The following FAM135B variants were observed in gnomAD, a reference collection of about 807,000 sequenced individuals.
FAM135B encodes the protein family with sequence similarity 135 member B.
FAM135B carries 43 observed loss-of-function variants against 127.7 expected under a neutral mutation model. That is an observed-to-expected ratio of 0.34 (90% CI 0.26 to 0.43). The LOEUF is 0.43. FAM135B is among the 20% of genes least tolerant of loss of function. FAM135B has a pLI of 1.00. For synonymous variants in FAM135B, 670 were observed against 665.1 expected (o/e 1.01, Z -0.11); for missense variants, 1,558 against 1,725.6 (o/e 0.90, Z 1.72).
intron 11 of FAM135B, among the ~76,000 whole-genome samples, chr8:138,173,344 G>A (rs547798517): frequency 1.3e-5 from 2 of 152,274 alleles, no homozygotes; most frequent in East Asian, 1.9e-4. Flanking sequence ...CTTATCATGT[G>A]TTCTTTAAGA....
At chr8:138,413,259 T>C (rs1833959258) in intron 1 of FAM135B, among the ~76,000 whole-genome samples, 1 of 152,144 alleles carries the variant, frequency 6.6e-6, no homozygotes, top group Non-Finnish European at 1.5e-5. Flanking sequence ...TTGCTCTTCA[T>C]TCCTTATTGG....
intron 1 of FAM135B, among the ~76,000 whole-genome samples, chr8:138,469,377 A>G (rs1026808887): frequency 1.5e-4 from 23 of 152,184 alleles, no homozygotes; most frequent in African/African-American, 5.5e-4. Context: ...CAAGGCAACT[A>G]GTGACTAGGC....
chr8:138,299,179 T>C (rs1047547956), intron 3 of FAM135B, among the ~76,000 whole-genome samples: 6 of 151,898 alleles, frequency 4.0e-5, no homozygotes, highest in African/African-American at 1.4e-4. Flanking sequence ...TATATTAAAA[T>C]ATACCCAATT....
Position 138,367,988 on chromosome 8 carries a change from T to C in FAM135B, c.-5A>G, listed in dbSNP as rs1025054109. On this transcript the variant is annotated 5_prime_UTR_variant, in exon 2 of 20. Transcript: ENST00000395297. ...CGTTCCTTGTATTTCAGACATGATC[T>C]TTTTGGCTCATTACCTGAAAAACAA... 1 of 1,612,782 alleles carries C rather than the reference T, an allele frequency of 6.2e-7. No homozygotes were observed. The highest frequency in any genetic ancestry group is 8.5e-7 in the Non-Finnish European group (1 of 1,179,026).
chr8:138,468,002 A>G (rs1445396881), intron 1 of FAM135B, among the ~76,000 whole-genome samples: 1 of 152,220 alleles, frequency 6.6e-6, no homozygotes, highest in African/African-American at 2.4e-5. Context: ...ATCTAGAAAA[A>G]TATGCATATG....
chr8:138,375,802 G>A (rs1831433644), intron 1 of FAM135B, among the ~76,000 whole-genome samples: 1 of 152,060 alleles, frequency 6.6e-6, no homozygotes, highest in Admixed American at 6.5e-5. Context: ...TAGGGATGGG[G>A]GGAAGTCTTT....
intron 19 of FAM135B, among the ~76,000 whole-genome samples, chr8:138,134,119 C>T (rs1383559741): frequency 6.6e-6 from 1 of 151,914 alleles, no homozygotes; most frequent in African/African-American, 2.4e-5. Flanking sequence ...AATAGTCCTT[C>T]CAAGGGAAAA....
intron 1 of FAM135B, among the ~76,000 whole-genome samples, chr8:138,415,074 T>C (rs1214880685): frequency 2.6e-5 from 4 of 152,170 alleles, no homozygotes; most frequent in Non-Finnish European, 2.9e-5. Flanking sequence ...AGGAAGATAA[T>C]GATCACAAGC....
chr8:138,331,352 T>C (rs935512648), intron 2 of FAM135B, among the ~76,000 whole-genome samples: 1 of 152,196 alleles, frequency 6.6e-6, no homozygotes, highest in Non-Finnish European at 1.5e-5. Context: ...CCAAATAGTT[T>C]CTTTTATGAT....
chr8:138,147,359 C>T (rs1817740257), intron 14 of FAM135B, among the ~76,000 whole-genome samples: 1 of 151,656 alleles, frequency 6.6e-6, no homozygotes, highest in Non-Finnish European at 1.5e-5. Flanking sequence ...TCTCCTTCAG[C>T]TACTGAGGGA....
intron 17 of FAM135B, 88 bp from the exon 18 acceptor site, chr8:138,139,184 A>ATT: frequency 1.4e-6 from 1 of 724,922 alleles, no homozygotes; most frequent in Non-Finnish European, 2.3e-6. Context: ...TGAACGTTAA[A>ATT]CTGAATTTTA....
intron 1 of FAM135B, among the ~76,000 whole-genome samples, chr8:138,464,917 T>G (rs1488950313): frequency 6.6e-6 from 1 of 152,214 alleles, no homozygotes; most frequent in African/African-American, 2.4e-5. Context: ...TTTAAGACTT[T>G]TGCGAATGCA....
chr8:138,322,170 C>T (rs1339317051), intron 2 of FAM135B, among the ~76,000 whole-genome samples: 2 of 152,186 alleles, frequency 1.3e-5, no homozygotes, highest in Admixed American at 6.5e-5. Flanking sequence ...GAAAACATTG[C>T]ATATGGCAGG....
intron 1 of FAM135B, among the ~76,000 whole-genome samples, chr8:138,377,502 A>G (rs1171263339): frequency 1.3e-5 from 2 of 152,216 alleles, no homozygotes; most frequent in Non-Finnish European, 2.9e-5. Flanking sequence ...GACTGAAGGC[A>G]CAAAAGAACA....
At chr8:138,349,853 C>G (rs1255670066) in intron 2 of FAM135B, among the ~76,000 whole-genome samples, 1 of 152,096 alleles carries the variant, frequency 6.6e-6, no homozygotes, top group Non-Finnish European at 1.5e-5. Context: ...GGTTTCAATC[C>G]CGGACATACC....
At chr8:138,280,143 C>G (rs751397597) in intron 3 of FAM135B, among the ~76,000 whole-genome samples, 13 of 152,176 alleles carry the variant, frequency 8.5e-5, no homozygotes, top group South Asian at 6.2e-4. Flanking sequence ...CTCTGCTACC[C>G]CCAACTGCCC....
intron 1 of FAM135B, among the ~76,000 whole-genome samples, chr8:138,487,637 G>A (rs1587558473): frequency 6.7e-6 from 1 of 149,320 alleles, no homozygotes; most frequent in Non-Finnish European, 1.5e-5. Flanking sequence ...GTGTGTGTGG[G>A]GGTGGGGGCG....
At chr8:138,185,489 G>A (rs1815464857) in intron 9 of FAM135B, among the ~76,000 whole-genome samples, 1 of 152,158 alleles carries the variant, frequency 6.6e-6, no homozygotes, top group Admixed American at 6.5e-5. Context: ...TCTGACAAGA[G>A]GACTGGTCAA....
chr8:138,155,868 T>A (rs1195172878), intron 12 of FAM135B, among the ~76,000 whole-genome samples: 2 of 152,038 alleles, frequency 1.3e-5, no homozygotes, highest in African/African-American at 4.8e-5. Context: ...TACCCCACTG[T>A]CAATATTAGA....
Sources: allele counts gnomAD v4.1 joint callset (sites outside exome capture counted in the v4.1 genomes callset), GRCh38; gene constraint gnomAD v4.1.1; transcripts MANE v1.5; gene names NCBI Gene and HGNC (gene_info 2026-07-23, HGNC 2026-07-21).